The following FBXL2 variants were observed in gnomAD, a reference collection of about 807,000 sequenced individuals.
The protein encoded by FBXL2 is F-box and leucine rich repeat protein 2.
In FBXL2, 38 loss-of-function variants were observed where a neutral mutation model predicts 69.2. The observed-to-expected ratio is 0.55, with a 90% CI of 0.42 to 0.72. The LOEUF (loss-of-function observed/expected upper bound fraction) is 0.72. FBXL2 is among the 30% of genes least tolerant of loss of function. FBXL2 has a pLI of 0.00. For synonymous variants in FBXL2, 192 were observed against 201.3 expected, an observed-to-expected ratio of 0.95 and a Z score of 0.39; for missense variants, 354 against 520.3, an observed-to-expected ratio of 0.68 and a Z score of 3.11.
chr3:33,288,647 G>T (rs2034902032), intron 1 of FBXL2, among the ~76,000 whole-genome samples: 1 of 152,216 alleles, frequency 6.6e-6, no homozygotes, highest in Admixed American at 6.5e-5. Flanking sequence ...CATGCCTGGT[G>T]TGTTGGATGA....
At chr3:33,364,839 G>T in intron 5 of FBXL2, 120 bp downstream of exon 5, 1 of 885,056 alleles carries the variant, frequency 1.1e-6, no homozygotes, top group South Asian at 1.5e-5. Context: ...AATTTGCATA[G>T]AGTAATGAGA....
In FBXL2 at chr3:33,387,367, C is replaced by T. The variant is rs1454138217; in HGVS notation, c.*1759C>T. 1 of 151,414 alleles carries T rather than the reference C, an allele frequency of 6.6e-6. No individual in the cohort carries two copies. The highest frequency in any genetic ancestry group is 1.5e-5 in the Non-Finnish European group (1 of 67,796). The allele number at this position is 151,414 out of a possible 1,614,324, so 9.4% of individuals were successfully genotyped here. A position where few individuals can be genotyped will look rare whatever the true frequency, so the allele number is the denominator to read the frequency against. On this transcript the variant is annotated 3_prime_UTR_variant, in exon 15 of 15. Coordinates refer to ENST00000484457, the MANE Select transcript of FBXL2 (RefSeq NM_012157.5). ...CTATAATCCCAGCACTTGGGGAGGC[C>T]AAGGCGGGTGGATCACCTGAGGTCA...
At chr3:33,371,330 A>AT (rs749436186) in intron 5 of FBXL2, among the ~76,000 whole-genome samples, 3,443 of 134,120 alleles carry the variant, frequency 0.026, 90 homozygotes, top group African/African-American at 0.066. Context: ...ATACCAGCTA[A>AT]TTTTTTTTTT....
chr3:33,359,185 G>T, intron 3 of FBXL2, 98 bp from the exon 4 acceptor site: 2 of 1,084,696 alleles, frequency 1.8e-6, no homozygotes, highest in Admixed American at 2.4e-5. Context: ...TCAAAAATAG[G>T]AGTTTGGAAA....
chr3:33,416,955 A>T, the FBXL2 span: 3 of 812,292 alleles, frequency 3.7e-6, no homozygotes, highest in Non-Finnish European at 5.9e-6. Flanking sequence ...TTAATTTGCT[A>T]CGGAAGCAAA....
intron 2 of FBXL2, among the ~76,000 whole-genome samples, chr3:33,344,493 CAG>C (rs1278109250): frequency 1.3e-5 from 2 of 151,980 alleles, no homozygotes; most frequent in African/African-American, 4.8e-5. Flanking sequence ...AGTATAGTAA[CAG>C]ATCTATTCAC....
intron 5 of FBXL2, among the ~76,000 whole-genome samples, chr3:33,371,859 T>C (rs1252680070): frequency 6.6e-6 from 1 of 152,186 alleles, no homozygotes; most frequent in Non-Finnish European, 1.5e-5. Flanking sequence ...AAGCAGTGTT[T>C]AGGGCTAATT....
At chr3:33,393,646 C>T (rs367867503) in intron 12 of FBXL2, among the ~76,000 whole-genome samples, 9 of 152,192 alleles carry the variant, frequency 5.9e-5, no homozygotes, top group Admixed American at 6.5e-5. Flanking sequence ...CAATCTAAAA[C>T]GTAAGAATAC....
chr3:33,317,722 G>T, intron 2 of FBXL2: 1 of 297,696 alleles, frequency 3.4e-6, no homozygotes, highest in Non-Finnish European at 6.7e-6. Flanking sequence ...GGTCTTACTT[G>T]CTCATTATTT....
At chr3:33,306,246 C>T (rs1013851876) in intron 2 of FBXL2, among the ~76,000 whole-genome samples, 9 of 149,990 alleles carry the variant, frequency 6.0e-5, no homozygotes, top group South Asian at 2.1e-4. Flanking sequence ...TTGACCCATA[C>T]GTGTTTTTTT....
intron 9 of FBXL2, 64 bp downstream of exon 9, chr3:33,373,985 A>C (rs2042469189): frequency 2.6e-6 from 4 of 1,521,910 alleles, no homozygotes; most frequent in Non-Finnish European, 3.6e-6. Flanking sequence ...AGTCTGCCTC[A>C]GGCCTCCCTG....
At chr3:33,280,500 G>A (rs896734618) in intron 1 of FBXL2, among the ~76,000 whole-genome samples, 2 of 152,006 alleles carry the variant, frequency 1.3e-5, no homozygotes, top group African/African-American at 4.8e-5. Flanking sequence ...CTTCAGTCCC[G>A]GAGTTCAAGA....
chr3:33,406,037 G>A (rs1044915448), downstream of FBXL2, among the ~76,000 whole-genome samples: 3 of 152,174 alleles, frequency 2.0e-5, no homozygotes, highest in East Asian at 5.8e-4. Context: ...TAGCTGGAGA[G>A]CTTTGAATAA....
Position 33,305,818 on chromosome 3 carries a change from T to C in FBXL2, c.65+8093T>C, listed in dbSNP as rs1184014608. The stretch of plus-strand genomic sequence containing the variant: ...GAGTGTGTCCACTTTGAGTTTTACA[T>C]TGGTAAAACTCTTGGTAGCTGTCTT... On this transcript the variant is annotated intron_variant, in intron 2 of 14. Transcript: ENST00000484457. Among the ~76,000 whole-genome samples, 3 of 151,932 alleles carry C rather than the reference T, an allele frequency of 2.0e-5. No individual in the cohort carries two copies. In the East Asian group the frequency reaches 5.8e-4, roughly 29 times the overall value.
chr3:33,346,553 C>T lies in FBXL2; in HGVS notation c.66-12414C>T, dbSNP rs184767104. Reference sequence around the variant, plus strand: ...CATCCTGGGTGACATAGCGAGACCCCGTCTCTAAAAATAAATAAATAAGTA... The same window carrying T: ...CATCCTGGGTGACATAGCGAGACCCTGTCTCTAAAAATAAATAAATAAGTA... On this transcript the variant is annotated intron_variant, in intron 2 of 14. Transcript: ENST00000484457. 1.6e-4 allele frequency among the ~76,000 whole-genome samples: 24 copies of T among 151,690 alleles called. No individual in the cohort carries two copies. In the East Asian group the frequency reaches 3.1e-3, roughly 20 times the overall value.
the FBXL2 span, among the ~76,000 whole-genome samples, chr3:33,415,513 A>G: frequency 3.9e-5 from 6 of 152,228 alleles, no homozygotes; most frequent in African/African-American, 1.4e-4. Context: ...AACTCATGAT[A>G]TATACCAGAT....
At chr3:33,330,983 A>G (rs2039115224) in intron 2 of FBXL2, among the ~76,000 whole-genome samples, 1 of 150,692 alleles carries the variant, frequency 6.6e-6, no homozygotes, top group Non-Finnish European at 1.5e-5. Flanking sequence ...TATGTTGTAT[A>G]TATATAATAT....
intron 1 of FBXL2, among the ~76,000 whole-genome samples, chr3:33,277,789 C>G (rs1321888410): frequency 6.6e-6 from 1 of 151,962 alleles, no homozygotes; most frequent in Non-Finnish European, 1.5e-5. Flanking sequence ...CCCAGTGGGC[C>G]GCCGGACGAC....
intron 5 of FBXL2, among the ~76,000 whole-genome samples, chr3:33,365,743 A>C (rs2041914171): frequency 7.3e-6 from 1 of 137,926 alleles, no homozygotes; most frequent in African/African-American, 2.7e-5. Context: ...ACAAACAAAC[A>C]AACAAACAAA....
Sources: gnomAD v4.1 joint callset for allele counts (sites outside exome capture counted in the v4.1 genomes callset) on GRCh38, gnomAD v4.1.1 for gene constraint, MANE v1.5 for transcripts, NCBI Gene and HGNC (gene_info 2026-07-23, HGNC 2026-07-21) for gene names.